COL25A1: variants seen among roughly 807,000 people sequenced by gnomAD.
COL25A1 encodes collagen type XXV alpha 1 chain, also known as collagen alpha-1(XXV) chain.
In COL25A1, 103 loss-of-function variants were observed where a neutral mutation model predicts 128.4. The observed-to-expected ratio is 0.80, with a 90% CI of 0.68 to 0.94. COL25A1 has a LOEUF of 0.94. Ranked by LOEUF, COL25A1 falls within the 40% of genes least tolerant of loss-of-function variation. COL25A1 has a pLI of 0.00. For missense variants in COL25A1, 745 were observed against 840.0 expected, an observed-to-expected ratio of 0.89 and a Z score of 1.40; for synonymous variants, 279 against 277.2, an observed-to-expected ratio of 1.01 and a Z score of -0.06.
At chr4:109,057,598 T>C (rs1761573308) in intron 3 of COL25A1, among the ~76,000 whole-genome samples, 1 of 151,858 alleles carries the variant, frequency 6.6e-6, no homozygotes, top group South Asian at 2.1e-4. Flanking sequence ...TGAAATAAAG[T>C]GAAAATTTTA....
rs546751122 is a variant in COL25A1, at chr4:109,090,513, T to C, written c.368-40334A>G. 1.2e-4 allele frequency among the ~76,000 whole-genome samples: 19 copies of C among 152,318 alleles called. 1 individual carries two copies. The East Asian group carries it at 1.3e-3, about 11-fold the overall frequency. On this transcript the variant is annotated intron_variant, in intron 3 of 37. Transcript: ENST00000399132. ...GCTTTCAGAATTTAAAATTAAAATA[T>C]ACAGTTTTAGAACTTACAGCAACTA... is the stretch of plus-strand genomic sequence containing the variant.
intron 5 of COL25A1, among the ~76,000 whole-genome samples, chr4:109,017,227 GC>G (rs1157170960): frequency 6.6e-6 from 1 of 152,242 alleles, no homozygotes; most frequent in Non-Finnish European, 1.5e-5. Context: ...CCCCACTGCA[GC>G]AGTCAGTGTA....
At chr4:109,107,443 T>G (rs1766551084) in intron 3 of COL25A1, among the ~76,000 whole-genome samples, 2 of 152,172 alleles carry the variant, frequency 1.3e-5, no homozygotes, top group Non-Finnish European at 2.9e-5. Flanking sequence ...GTATTATAGA[T>G]GTTTTGAGCT....
intron 8 of COL25A1, among the ~76,000 whole-genome samples, chr4:108,967,141 G>T (rs1443279928): frequency 1.3e-5 from 2 of 152,046 alleles, no homozygotes; most frequent in Non-Finnish European, 2.9e-5. Flanking sequence ...CTAAGTCTTG[G>T]TTTCCTCATC....
intron 8 of COL25A1, among the ~76,000 whole-genome samples, chr4:108,945,700 T>G (rs1334234469): frequency 1.3e-5 from 2 of 152,114 alleles, no homozygotes; most frequent in Non-Finnish European, 2.9e-5. Flanking sequence ...AGTCTGGCTC[T>G]TCACCCAGGC....
intron 26 of COL25A1, among the ~76,000 whole-genome samples, chr4:108,851,685 C>T (rs1735794297): frequency 6.6e-6 from 1 of 152,054 alleles, no homozygotes; most frequent in African/African-American, 2.4e-5. Flanking sequence ...GCAATTCTAG[C>T]CTTCTACTAT....
intron 3 of COL25A1, among the ~76,000 whole-genome samples, chr4:109,254,509 A>ATATATATATATATATATATATG (rs59126671): frequency 1.9e-5 from 2 of 104,534 alleles, no homozygotes; most frequent in African/African-American, 7.4e-5. Flanking sequence ...ATATATATGT[A>ATATATATATATATATATATATG]TGTGTGTATA....
At chr4:109,070,709 C>CGGTGTGTG (rs1579273249) in intron 3 of COL25A1, among the ~76,000 whole-genome samples, 1 of 133,836 alleles carries the variant, frequency 7.5e-6, no homozygotes, top group East Asian at 2.3e-4. Context: ...ACAACAGGCC[C>CGGTGTGTG]GGTGTGTGAT....
chr4:108,873,054 G>T (rs759799644), intron 19 of COL25A1, among the ~76,000 whole-genome samples: 2 of 151,746 alleles, frequency 1.3e-5, no homozygotes, highest in African/African-American at 2.4e-5. Context: ...CACCACGCCT[G>T]GCTAATTTTT....
rs1333232210 is a variant in COL25A1 at position 109,104,644 on chromosome 4, G to A, written c.368-54465C>T. ...CAAGGAACAGGGGAACACATTAAAA[G>A]ACACCTTTAGGAATGTAACAACAAA... On this transcript the variant is annotated intron_variant, in intron 3 of 37. Coordinates refer to ENST00000399132, the MANE Select transcript of COL25A1 (RefSeq NM_198721.4). 2.0e-5 allele frequency among the ~76,000 whole-genome samples: 3 copies of A among 151,952 alleles called. No homozygotes were observed. The East Asian group carries it at 5.8e-4, about 29-fold the overall frequency.
intron 27 of COL25A1, among the ~76,000 whole-genome samples, chr4:108,846,512 A>T (rs763779155): frequency 2.0e-5 from 3 of 152,216 alleles, no homozygotes; most frequent in Non-Finnish European, 4.4e-5. Flanking sequence ...CCTGGCAGCT[A>T]ATTCTATCTC....
At chr4:108,938,369 A>T (rs972941240) in intron 10 of COL25A1, among the ~76,000 whole-genome samples, 1 of 152,238 alleles carries the variant, frequency 6.6e-6, no homozygotes, top group African/African-American at 2.4e-5. Flanking sequence ...TTGCCAATAA[A>T]TATAGATATT....
At chr4:109,091,918 T>C (rs1764945515) in intron 3 of COL25A1, among the ~76,000 whole-genome samples, 1 of 152,170 alleles carries the variant, frequency 6.6e-6, no homozygotes, top group African/African-American at 2.4e-5. Context: ...CAGCGCTGTA[T>C]GCCTCAGATT....
At chr4:109,152,954 A>G (rs1771652237) in intron 3 of COL25A1, among the ~76,000 whole-genome samples, 1 of 152,144 alleles carries the variant, frequency 6.6e-6, no homozygotes, top group African/African-American at 2.4e-5. Flanking sequence ...CTGGAGATGG[A>G]TGATGGTGAT....
chr4:109,282,996 GATC>G (rs1368223320), intron 3 of COL25A1, among the ~76,000 whole-genome samples: 7 of 150,204 alleles, frequency 4.7e-5, no homozygotes, highest in African/African-American at 1.5e-4. Context: ...AAAGGATAAA[GATC>G]ATATTTTTAA....
intron 8 of COL25A1, among the ~76,000 whole-genome samples, chr4:108,956,965 C>T (rs935207122): frequency 2.6e-5 from 4 of 152,078 alleles, no homozygotes; most frequent in Admixed American, 2.0e-4. Context: ...CATAAATACA[C>T]AATTGAGGAG....
intron 3 of COL25A1, among the ~76,000 whole-genome samples, chr4:109,127,792 C>G (rs140983986): frequency 1.2e-3 from 182 of 152,212 alleles, no homozygotes; most frequent in African/African-American, 4.1e-3. Flanking sequence ...CGGGTAGTTA[C>G]CCCAGACAAG....
At chr4:109,015,665 G>C (rs570300249) in intron 5 of COL25A1, among the ~76,000 whole-genome samples, 2 of 152,146 alleles carry the variant, frequency 1.3e-5, no homozygotes, top group African/African-American at 2.4e-5. Context: ...AGAAACAGCA[G>C]GAGAAGCTGA....
chr4:109,129,375 C>T (rs922309846), intron 3 of COL25A1, among the ~76,000 whole-genome samples: 2 of 152,074 alleles, frequency 1.3e-5, no homozygotes, highest in Non-Finnish European at 2.9e-5. Context: ...GAGATCCGCC[C>T]ACCTGAGCCT....
Sources: gnomAD v4.1 joint callset for allele counts (sites outside exome capture counted in the v4.1 genomes callset) on GRCh38, gnomAD v4.1.1 for gene constraint, MANE v1.5 for transcripts, NCBI Gene and HGNC (gene_info 2026-07-23, HGNC 2026-07-21) for gene names.